The following RAB4A variants were observed in gnomAD, a reference collection of about 807,000 sequenced individuals.
RAB4A encodes the protein RAB4A, member RAS oncogene family.
In RAB4A, 20 loss-of-function variants were observed where a neutral mutation model predicts 34.5. That is an observed-to-expected ratio of 0.58 (90% CI 0.41 to 0.84). RAB4A has a LOEUF of 0.84. Ranked by LOEUF, RAB4A falls within the 40% of genes least tolerant of loss-of-function variation. The pLI, the probability that RAB4A is intolerant of heterozygous loss-of-function variation, is 0.00. For missense variants in RAB4A, 228 were observed against 274.5 expected, an observed-to-expected ratio of 0.83 and a Z score of 1.20; for synonymous variants, 102 against 100.0, an observed-to-expected ratio of 1.02 and a Z score of -0.12.
In RAB4A at chr1:229,297,544, A is replaced by G; in HGVS notation, c.353A>G (p.Asn118Ser). 1 of 1,613,382 alleles carries G rather than the reference A, an allele frequency of 6.2e-7. No individual in the cohort carries two copies. Among genetic ancestry groups the G allele is most frequent in the East Asian group, 2.2e-5 (1 of 44,838 alleles). Residue 118 changes from asparagine to serine, a missense_variant, in exon 5 of 8, where the codon AAC becomes AGC. Transcript: ENST00000366690. ...LTDARMLASQ[N>S]IVIILCGNKK... is the part of the protein sequence containing the mutation. ...GATGCCCGAATGCTAGCGAGCCAGAACATTGTGATCATCCTTTGTGGAAAC... is the reference window on the plus strand; with the variant it reads ...GATGCCCGAATGCTAGCGAGCCAGAGCATTGTGATCATCCTTTGTGGAAAC...
rs186075235 is a variant in RAB4A at position 229,299,460 on chromosome 1, T to C, written c.541+388T>C. On this transcript the variant is annotated intron_variant, in intron 6 of 7. Transcript: ENST00000366690. ...CCAGTGGTCATGTGTAAGGGAGTTA[T>C]AGGTACATGGTATAGTGTTGATTGT... is the stretch of plus-strand genomic sequence containing the variant. Among the ~76,000 whole-genome samples the C allele has an allele frequency of 1.4e-4, 22 of 152,348 alleles. No homozygotes were observed. In the East Asian group the frequency reaches 4.0e-3, roughly 28 times the overall value.
chr1:229,279,862 T>G (rs1213731646), intron 1 of RAB4A, among the ~76,000 whole-genome samples: 6 of 152,196 alleles, frequency 3.9e-5, no homozygotes, highest in Non-Finnish European at 8.8e-5. Context: ...GAGAAAAATT[T>G]ATTGTGAATT....
intron 1 of RAB4A, among the ~76,000 whole-genome samples, chr1:229,278,617 C>T (rs958023227): frequency 2.0e-5 from 3 of 152,230 alleles, no homozygotes; most frequent in African/African-American, 7.2e-5. Context: ...TGGACCCCAT[C>T]TCTAAAGCTT....
At position 229,274,030 on chromosome 1, in the gene RAB4A, G is replaced by A. The variant is rs371844422; in HGVS notation, c.31+2660G>A. ...TTGACAGAGAGATGAGGAATGAAAT[G>A]TACTGGGTTTTTGTTTCCCTTTTTT... On this transcript the variant is annotated intron_variant, in intron 1 of 7. Coordinates refer to ENST00000366690, the MANE Select transcript of RAB4A (RefSeq NM_004578.4). 2.1e-3 allele frequency among the ~76,000 whole-genome samples: 302 copies of A among 146,964 alleles called. 1 individual carries two copies. The highest frequency in any genetic ancestry group is 3.7e-3 in the Non-Finnish European group (250 of 67,054).
chr1:229,281,469 T>G (rs1376906992), intron 1 of RAB4A, among the ~76,000 whole-genome samples: 3 of 152,130 alleles, frequency 2.0e-5, no homozygotes, highest in Admixed American at 2.0e-4. Context: ...TTTCTTTGAT[T>G]AATGTTTGTA....
intron 2 of RAB4A, 25 bp from the exon 3 acceptor site, chr1:229,288,704 T>C (rs375132335): frequency 1.5e-4 from 178 of 1,188,326 alleles, no homozygotes; most frequent in Non-Finnish European, 1.5e-4. Context: ...AAATTAAATA[T>C]GCTGTTCTTG....
intron 3 of RAB4A, chr1:229,289,259 A>T (rs1293577602): frequency 6.2e-6 from 1 of 161,488 alleles, no homozygotes; most frequent in Non-Finnish European, 1.3e-5. Context: ...TTTGATACAC[A>T]CTCCACAAAA....
At chr1:229,285,459 C>T (rs1347483724) in intron 1 of RAB4A, among the ~76,000 whole-genome samples, 2 of 152,136 alleles carry the variant, frequency 1.3e-5, no homozygotes, top group Non-Finnish European at 2.9e-5. Flanking sequence ...CTAGGCCAAG[C>T]ATCAGTAAAG....
chr1:229,300,989 T>A (rs1657373867), intron 6 of RAB4A, among the ~76,000 whole-genome samples: 1 of 151,874 alleles, frequency 6.6e-6, no homozygotes, highest in South Asian at 2.1e-4. Context: ...ATCAAAGGAG[T>A]GTTCATTATG....
rs777462542 is a variant in RAB4A at position 229,304,329 on chromosome 1, G to A, written c.*536G>A. 1.9e-4 allele frequency: 29 copies of A among 151,974 alleles called. No homozygotes were observed. Among genetic ancestry groups the A allele is most frequent in the African/African-American group, 5.8e-4 (24 of 41,424 alleles). 9.4% of individuals were successfully genotyped at this position (151,974 alleles called of 1,614,324 possible). A position where few individuals can be genotyped will look rare whatever the true frequency, so the allele number is the denominator to read the frequency against. ...TTACTACATTCTACATGGTGTTTAC[G>A]TGATCCACACTTGAAATACTAGATC... On this transcript the variant is annotated 3_prime_UTR_variant, in exon 8 of 8. Coordinates refer to ENST00000366690, the MANE Select transcript of RAB4A (RefSeq NM_004578.4).
chr1:229,301,809 A>G (rs1253689760), intron 6 of RAB4A, among the ~76,000 whole-genome samples: 1 of 152,038 alleles, frequency 6.6e-6, no homozygotes. Context: ...TTTACTTACT[A>G]TTGTATAACC....
chr1:229,283,570 G>A (rs1282025077), intron 1 of RAB4A, among the ~76,000 whole-genome samples: 1 of 151,984 alleles, frequency 6.6e-6, no homozygotes, highest in Non-Finnish European at 1.5e-5. Flanking sequence ...GCATCCATTG[G>A]CATTTCTGGG....
At chr1:229,289,100 G>C (rs536801213) in intron 3 of RAB4A, 25 of 406,834 alleles carry the variant, frequency 6.1e-5, no homozygotes, top group African/African-American at 5.2e-4. Flanking sequence ...CCATTCTCAG[G>C]AGGATGTGGC....
intron 3 of RAB4A, among the ~76,000 whole-genome samples, chr1:229,294,715 A>T (rs916967966): frequency 6.6e-6 from 1 of 152,128 alleles, no homozygotes; most frequent in Non-Finnish European, 1.5e-5. Context: ...TGGCGGGTGC[A>T]GCTACTCAGG....
At chr1:229,272,560 A>C (rs1012826016) in intron 1 of RAB4A, among the ~76,000 whole-genome samples, 1 of 152,142 alleles carries the variant, frequency 6.6e-6, no homozygotes, top group African/African-American at 2.4e-5. Flanking sequence ...TGGTCCGTGA[A>C]AGTGTGTTAG....
At chr1:229,281,114 A>G (rs974711133) in intron 1 of RAB4A, among the ~76,000 whole-genome samples, 2 of 152,186 alleles carry the variant, frequency 1.3e-5, no homozygotes, top group African/African-American at 4.8e-5. Context: ...TATATGACTC[A>G]AAGTCTTCAT....
intron 6 of RAB4A, among the ~76,000 whole-genome samples, chr1:229,302,311 T>A (rs12564340): frequency 0.056 from 1,237 of 22,142 alleles, 12 homozygotes; most frequent in East Asian, 0.16. Flanking sequence ...ATATATATAT[T>A]TTTTTTTTTT....
chr1:229,284,880 C>T (rs916614136), intron 1 of RAB4A, among the ~76,000 whole-genome samples: 2 of 152,156 alleles, frequency 1.3e-5, no homozygotes, highest in African/African-American at 4.8e-5. Flanking sequence ...CTTCAATCCT[C>T]CATGTCTCTT....
intron 1 of RAB4A, among the ~76,000 whole-genome samples, chr1:229,279,755 T>C (rs1656735896): frequency 6.6e-6 from 1 of 152,242 alleles, no homozygotes; most frequent in Non-Finnish European, 1.5e-5. Context: ...AGGATGTATC[T>C]GTTTTAGATT....
Sources: allele counts gnomAD v4.1 joint callset (sites outside exome capture counted in the v4.1 genomes callset), GRCh38; gene constraint gnomAD v4.1.1; transcripts MANE v1.5; gene names NCBI Gene and HGNC (gene_info 2026-07-23, HGNC 2026-07-21).